SOX13: variants seen among roughly 807,000 people sequenced by gnomAD.
SOX13 encodes the protein transcription factor SOX-13.
SOX13 carries 28 observed loss-of-function variants against 71.8 expected under a neutral mutation model. The ratio of observed to expected loss-of-function variants is 0.39; its 90% CI spans 0.29 to 0.53. The LOEUF (loss-of-function observed/expected upper bound fraction) is 0.53, where lower values mean the gene tolerates loss of function less well. Ranked by LOEUF, SOX13 falls within the 20% of genes least tolerant of loss-of-function variation. The pLI, the probability that SOX13 is intolerant of heterozygous loss-of-function variation, is 0.70. For missense variants in SOX13, 627 were observed against 810.3 expected, an observed-to-expected ratio of 0.77 and a Z score of 2.75; for synonymous variants, 309 against 317.8, an observed-to-expected ratio of 0.97 and a Z score of 0.29.
At chr1:204,087,313 C>T (rs1038517627) in intron 1 of SOX13, among the ~76,000 whole-genome samples, 1 of 152,228 alleles carries the variant, frequency 6.6e-6, no homozygotes, top group Non-Finnish European at 1.5e-5. Flanking sequence ...CCTAGGACTG[C>T]TCGCCTTATA....
At position 204,123,934 on chromosome 1, in the gene SOX13, A is replaced by G; in HGVS notation, c.1375+130A>G. 1 of 1,081,178 alleles carries G rather than the reference A, an allele frequency of 9.2e-7. No individual in the cohort carries two copies. Among genetic ancestry groups the G allele is most frequent in the Non-Finnish European group, 1.3e-6 (1 of 755,628 alleles). 67.0% of individuals were successfully genotyped at this position (1,081,178 alleles called of 1,614,324 possible). On this transcript the variant is annotated intron_variant, in intron 12 of 13. Transcript: ENST00000367204. This position sits in a 1 kb window ranked among gnomAD's most constrained non-coding sequence, Gnocchi z 5.0. ...CAGTGGAATCTGACGACAGGGGTGC[A>G]GGAGTTGCTGGGGATGTGAGGGCAG...
intron 1 of SOX13, among the ~76,000 whole-genome samples, chr1:204,110,547 A>G (rs1236981002): frequency 6.6e-6 from 1 of 152,112 alleles, no homozygotes; most frequent in Admixed American, 6.5e-5. Context: ...TGACAAGTCT[A>G]CTTGTTCAGT....
chr1:204,117,187 C>T lies in SOX13; in HGVS notation c.657C>T (p.Ile219=), dbSNP rs752355718. Residue 219 remains isoleucine, a synonymous_variant, in exon 6 of 14, where the codon ATC becomes ATT. Coordinates refer to ENST00000367204, the MANE Select transcript of SOX13 (RefSeq NM_005686.3). ...QHKINLLQQQ[I]QQVNMPYVMI... ...AGATCAACCTCCTTCAGCAGCAGAT[C>T]CAGGTAACCGGAGGGGAGACCCGGA... The T allele has an allele frequency of 6.2e-7, 1 of 1,613,900 alleles. No homozygotes were observed. Among genetic ancestry groups the T allele is most frequent in the Non-Finnish European group, 8.5e-7 (1 of 1,179,804 alleles).
At position 204,126,299 on chromosome 1, in the gene SOX13, C is replaced by T. The variant is rs1366906159; in HGVS notation, c.*165C>T. 2 of 748,132 alleles carry T rather than the reference C, an allele frequency of 2.7e-6. No homozygotes were observed. The highest frequency in any genetic ancestry group is 3.5e-5 in the African/African-American group (2 of 56,976). The allele number at this position is 748,132 out of a possible 1,614,324, so 46.3% of individuals were successfully genotyped here. On this transcript the variant is annotated 3_prime_UTR_variant, in exon 14 of 14. Coordinates refer to ENST00000367204, the MANE Select transcript of SOX13 (RefSeq NM_005686.3). ...GATACATTCATGAGGGGAGAGGCGC[C>T]CTCCCTTCCTGAGGAGCTGTTGGCC...
intron 2 of SOX13, among the ~76,000 whole-genome samples, chr1:204,114,014 G>A (rs1656639071): frequency 6.6e-6 from 1 of 152,220 alleles, no homozygotes; most frequent in Non-Finnish European, 1.5e-5. Context: ...TGACAGAGGA[G>A]GTATTAATAT....
chr1:204,117,075 AGGGCTAAT>A, intron 5 of SOX13, 39 bp from the exon 6 acceptor site: 1 of 1,586,562 alleles, frequency 6.3e-7, no homozygotes, highest in Non-Finnish European at 8.6e-7. Flanking sequence ...ACTGGGCACC[AGGGCTAAT>A]GTCCGTGACC....
intron 1 of SOX13, among the ~76,000 whole-genome samples, chr1:204,077,727 A>G (rs1040297424): frequency 2.6e-5 from 4 of 152,142 alleles, no homozygotes; most frequent in Admixed American, 2.6e-4. Flanking sequence ...GGACGTATGG[A>G]TGGTTTTAAT....
At chr1:204,087,425 G>A (rs964213576) in intron 1 of SOX13, among the ~76,000 whole-genome samples, 8 of 152,204 alleles carry the variant, frequency 5.3e-5, no homozygotes, top group African/African-American at 1.9e-4. Context: ...TAGCTTCCCA[G>A]GGCCTGCTCC....
chr1:204,077,093 T>C (rs1160064661), intron 1 of SOX13, among the ~76,000 whole-genome samples: 1 of 152,182 alleles, frequency 6.6e-6, no homozygotes, highest in African/African-American at 2.4e-5. Context: ...GGGGAGAGGA[T>C]AGCTCAGCCC....
intron 1 of SOX13, among the ~76,000 whole-genome samples, chr1:204,108,670 C>T (rs564764406): frequency 1.3e-5 from 2 of 152,338 alleles, no homozygotes; most frequent in South Asian, 2.1e-4. Context: ...ACCCGGTGGC[C>T]GGCCTGCGCC....
chr1:204,080,472 G>A (rs2102220644), intron 1 of SOX13, among the ~76,000 whole-genome samples: 1 of 152,240 alleles, frequency 6.6e-6, no homozygotes, highest in Non-Finnish European at 1.5e-5. Context: ...ATCCCTGCCT[G>A]CCAAGCCTGG....
intron 1 of SOX13, among the ~76,000 whole-genome samples, chr1:204,098,818 C>T (rs956100355): frequency 3.3e-5 from 5 of 152,208 alleles, no homozygotes; most frequent in African/African-American, 1.2e-4. Context: ...GGGGAAGATA[C>T]CGTGGGTAGG....
intron 1 of SOX13, among the ~76,000 whole-genome samples, chr1:204,075,987 TCCCA>T (rs1198859715): frequency 9.2e-5 from 14 of 152,186 alleles, no homozygotes. Flanking sequence ...TTGTACTCTC[TCCCA>T]CCCTTGCCTG....
intron 1 of SOX13, among the ~76,000 whole-genome samples, chr1:204,111,393 A>G (rs1656577108): frequency 6.6e-6 from 1 of 152,134 alleles, no homozygotes; most frequent in Non-Finnish European, 1.5e-5. Flanking sequence ...CTGTGTTCCC[A>G]CTAGAACCCA....
At chr1:204,094,875 TGAAAAG>T (rs894757855) in intron 1 of SOX13, among the ~76,000 whole-genome samples, 19 of 152,254 alleles carry the variant, frequency 1.2e-4, no homozygotes, top group African/African-American at 4.6e-4. Context: ...ATTCATTCAT[TGAAAAG>T]GAAAAGGATG....
intron 1 of SOX13, among the ~76,000 whole-genome samples, chr1:204,083,818 T>G (rs1424999313): frequency 6.6e-6 from 1 of 152,030 alleles, no homozygotes; most frequent in Non-Finnish European, 1.5e-5. Flanking sequence ...CTGACACAAC[T>G]TGGAGAAAGT....
chr1:204,108,745 C>T (rs762135391), intron 1 of SOX13, among the ~76,000 whole-genome samples: 3 of 152,220 alleles, frequency 2.0e-5, no homozygotes, highest in Non-Finnish European at 2.9e-5. Context: ...CCGCATTGTG[C>T]GCCTGTCACA....
At chr1:204,096,238 C>CTTTTTTTTTTTTT (rs1491344524) in intron 1 of SOX13, among the ~76,000 whole-genome samples, 1 of 61,246 alleles carries the variant, frequency 1.6e-5, no homozygotes, top group African/African-American at 6.7e-5. Flanking sequence ...TTCTTTCTTT[C>CTTTTTTTTTTTTT]GTTTTTTTTT....
chr1:204,108,774 C>T (rs1251658203), intron 1 of SOX13, among the ~76,000 whole-genome samples: 1 of 152,214 alleles, frequency 6.6e-6, no homozygotes. Context: ...GGCTTTATTG[C>T]TTTTGTCCAA....
Sources: gnomAD v4.1 joint callset for allele counts (sites outside exome capture counted in the v4.1 genomes callset) on GRCh38, gnomAD v4.1.1 for gene constraint, Gnocchi (gnomAD v3.1) non-coding constraint, MANE v1.5 for transcripts, NCBI Gene and HGNC (gene_info 2026-07-23, HGNC 2026-07-21) for gene names.